Variants in HS6ST3 observed in about 807,000 individuals in gnomAD.
HS6ST3 encodes the protein heparan sulfate 6-O-sulfotransferase 3, also known as heparan-sulfate 6-O-sulfotransferase 3.
Under a neutral mutation model 36.7 loss-of-function variants are expected in HS6ST3, and 12 were observed. The observed-to-expected ratio is 0.33, with a 90% confidence interval of 0.21 to 0.53. HS6ST3 has a LOEUF of 0.53. HS6ST3 is among the 20% of genes least tolerant of loss of function. HS6ST3 has a pLI of 0.95. For synonymous variants in HS6ST3, 240 were observed against 257.5 expected, an observed-to-expected ratio of 0.93 and a Z score of 0.65; for missense variants, 584 against 640.9, an observed-to-expected ratio of 0.91 and a Z score of 0.96.
intron 1 of HS6ST3, among the ~76,000 whole-genome samples, chr13:96,746,217 T>C (rs1027427121): frequency 8.5e-5 from 13 of 152,108 alleles, no homozygotes; most frequent in Non-Finnish European, 1.5e-4. Context: ...CCTTTAACAT[T>C]TTTAATATAA....
intron 1 of HS6ST3, among the ~76,000 whole-genome samples, chr13:96,689,452 C>A (rs1169443624): frequency 6.6e-6 from 1 of 151,904 alleles, no homozygotes; most frequent in African/African-American, 2.4e-5. Context: ...ATAGTTTATG[C>A]AGATGCCCTA....
chr13:96,820,344 G>T (rs769457474), intron 1 of HS6ST3, among the ~76,000 whole-genome samples: 1 of 152,180 alleles, frequency 6.6e-6, no homozygotes, highest in African/African-American at 2.4e-5. Flanking sequence ...TATTTGGACA[G>T]TTTATGAGGC....
intron 1 of HS6ST3, among the ~76,000 whole-genome samples, chr13:96,656,486 T>A (rs1385108843): frequency 6.6e-6 from 1 of 152,188 alleles, no homozygotes; most frequent in Non-Finnish European, 1.5e-5. Context: ...TTGGAACTAA[T>A]TCTGACCACA....
intron 1 of HS6ST3, among the ~76,000 whole-genome samples, chr13:96,327,356 A>G (rs999984035): frequency 1.3e-5 from 2 of 152,058 alleles, no homozygotes; most frequent in East Asian, 1.9e-4. Context: ...TGATTTTTGT[A>G]TAAGGTGTAA....
rs148021468 is a variant in HS6ST3 at position 96,252,534 on chromosome 13, G to A, written c.707+160965G>A. On this transcript the variant is annotated intron_variant, in intron 1 of 1. Coordinates refer to ENST00000376705, the MANE Select transcript of HS6ST3 (RefSeq NM_153456.4). ...GAACCTCCAATTTATTTAGTCTAGG[G>A]CAGTGCCTTGAAGTGTTTCAGTGTT... 2.7e-3 allele frequency among the ~76,000 whole-genome samples: 411 copies of A among 152,288 alleles called. 3 individuals carry two copies. Among genetic ancestry groups the A allele is most frequent in the African/African-American group, 9.4e-3 (392 of 41,558 alleles).
rs182591783 is a variant in HS6ST3, at chr13:96,326,219, C to A, written c.707+234650C>A. Among the ~76,000 whole-genome samples the A allele has an allele frequency of 4.5e-3, 675 of 149,968 alleles. 23 individuals are homozygous for A. Among genetic ancestry groups the A allele is most frequent in the Admixed American group, 0.04 (600 of 14,982 alleles). On this transcript the variant is annotated intron_variant, in intron 1 of 1. Transcript: ENST00000376705. ...TACTTTAAGTTTTAGGGTACATGTG[C>A]ACAATGTGCAGGTTAGTTACATATG...
At chr13:96,757,465 G>GT (rs1404317483) in intron 1 of HS6ST3, among the ~76,000 whole-genome samples, 4 of 151,882 alleles carry the variant, frequency 2.6e-5, no homozygotes, top group Non-Finnish European at 4.4e-5. Context: ...AATATCTGAG[G>GT]TTTTTTTTAA....
intron 1 of HS6ST3, among the ~76,000 whole-genome samples, chr13:96,707,126 TTAAACTC>T (rs1214929351): frequency 1.3e-5 from 2 of 152,284 alleles, no homozygotes; most frequent in East Asian, 3.9e-4. Context: ...ACTCATATGT[TTAAACTC>T]TAACCCCTAC....
At chr13:96,383,784 G>A (rs1346308339) in intron 1 of HS6ST3, among the ~76,000 whole-genome samples, 2 of 152,200 alleles carry the variant, frequency 1.3e-5, no homozygotes, top group African/African-American at 4.8e-5. Context: ...AAGGTGGTGG[G>A]GAGCAGCAGG....
intron 1 of HS6ST3, among the ~76,000 whole-genome samples, chr13:96,380,763 A>G (rs901037537): frequency 6.6e-6 from 1 of 152,256 alleles, no homozygotes; most frequent in African/African-American, 2.4e-5. Flanking sequence ...TTTCTTGCTT[A>G]AAAGTTTTTA....
intron 1 of HS6ST3, among the ~76,000 whole-genome samples, chr13:96,781,301 C>A (rs147193678): frequency 6.6e-6 from 1 of 152,294 alleles, no homozygotes; most frequent in African/African-American, 2.4e-5. Context: ...TGAACACAGC[C>A]CTAAGCCAGG....
chr13:96,685,642 G>A (rs373331075), intron 1 of HS6ST3, among the ~76,000 whole-genome samples: 55 of 152,128 alleles, frequency 3.6e-4, no homozygotes, highest in African/African-American at 8.7e-4. Flanking sequence ...ATGTCCACCC[G>A]TCGGAGAGCA....
intron 1 of HS6ST3, among the ~76,000 whole-genome samples, chr13:96,106,492 C>G (rs1050374463): frequency 6.6e-6 from 1 of 152,154 alleles, no homozygotes; most frequent in African/African-American, 2.4e-5. Flanking sequence ...ATCCTTCAGC[C>G]CCAGTCAGCT....
chr13:96,227,700 G>A (rs1447315281), intron 1 of HS6ST3, among the ~76,000 whole-genome samples: 1 of 152,064 alleles, frequency 6.6e-6, no homozygotes, highest in African/African-American at 2.4e-5. Context: ...TGCACAACAT[G>A]GGTTTCAACT....
intron 1 of HS6ST3, among the ~76,000 whole-genome samples, chr13:96,376,427 C>T (rs933192044): frequency 2.6e-5 from 4 of 152,080 alleles, no homozygotes; most frequent in African/African-American, 7.2e-5. Flanking sequence ...TGATTCAATC[C>T]GGACCTAAGT....
chr13:96,694,804 T>A (rs984218597), intron 1 of HS6ST3, among the ~76,000 whole-genome samples: 1 of 152,234 alleles, frequency 6.6e-6, no homozygotes, highest in Non-Finnish European at 1.5e-5. Context: ...GTTGAGCTTT[T>A]TTTCATATGC....
chr13:96,692,033 T>A (rs1031663864), intron 1 of HS6ST3, among the ~76,000 whole-genome samples: 2 of 152,180 alleles, frequency 1.3e-5, no homozygotes, highest in East Asian at 3.8e-4. Flanking sequence ...TCATGTTTAT[T>A]ATGACTCAGA....
intron 1 of HS6ST3, among the ~76,000 whole-genome samples, chr13:96,467,304 T>G (rs2055818915): frequency 6.6e-6 from 1 of 152,236 alleles, no homozygotes; most frequent in Non-Finnish European, 1.5e-5. Flanking sequence ...AAGGCAGGAC[T>G]GTCATCTTAG....
Position 96,608,232 on chromosome 13 carries a change from C to CTA in HS6ST3, c.708-224255_708-224254dup, listed in dbSNP as rs140147485. Reference sequence around the variant, plus strand: ...ATTTATTCTGACTTTCCTAAATGAACTATACCACTAAGTATCTAAATAGTA... The same window carrying CTA: ...ATTTATTCTGACTTTCCTAAATGAACTATATACCACTAAGTATCTAAATAGTA... On this transcript the variant is annotated intron_variant, in intron 1 of 1. Transcript: ENST00000376705. 6.4e-3 allele frequency among the ~76,000 whole-genome samples: 981 copies of CTA among 152,220 alleles called. 13 individuals carry two copies. Among genetic ancestry groups the CTA allele is most frequent in the African/African-American group, 0.023 (941 of 41,532 alleles).
Sources: gnomAD v4.1 joint callset for allele counts (sites outside exome capture counted in the v4.1 genomes callset) on GRCh38, gnomAD v4.1.1 for gene constraint, MANE v1.5 for transcripts, NCBI Gene and HGNC (gene_info 2026-07-23, HGNC 2026-07-21) for gene names.